RAD51B: variants seen among roughly 807,000 people sequenced by gnomAD.
RAD51B encodes the protein RAD51 paralog B, also known as DNA repair protein RAD51 homolog 2.
Under a neutral mutation model 42.2 loss-of-function variants are expected in RAD51B, and 38 were observed. The ratio of observed to expected loss-of-function variants is 0.90; its 90% CI spans 0.70 to 1.18. The LOEUF (loss-of-function observed/expected upper bound fraction) is 1.18, where lower values mean the gene tolerates loss of function less well. Ranked by LOEUF, RAD51B falls within the 50% of genes most tolerant of loss-of-function variation. RAD51B has a pLI of 0.00. For synonymous variants in RAD51B, 154 were observed against 145.2 expected (o/e 1.06, Z -0.43); for missense variants, 373 against 400.7 (o/e 0.93, Z 0.59).
At chr14:68,237,484 G>A (rs1458421817) in intron 7 of RAD51B, among the ~76,000 whole-genome samples, 4 of 152,012 alleles carry the variant, frequency 2.6e-5, no homozygotes, top group Non-Finnish European at 5.9e-5. Context: ...AGTAATTTTT[G>A]TGTATTCCCT....
At chr14:68,609,419 GC>G (rs1214777376) in intron 10 of RAD51B, among the ~76,000 whole-genome samples, 1 of 151,982 alleles carries the variant, frequency 6.6e-6, no homozygotes, top group Non-Finnish European at 1.5e-5. Context: ...TTCCCACAGG[GC>G]CCCTGGAGTC....
intron 10 of RAD51B, among the ~76,000 whole-genome samples, chr14:68,494,081 G>T (rs1884301057): frequency 6.6e-6 from 1 of 152,056 alleles, no homozygotes; most frequent in Non-Finnish European, 1.5e-5. Context: ...TTTGAGACCA[G>T]CCTGGCCAAC....
chr14:68,184,238 A>G (rs961885955), intron 7 of RAD51B, among the ~76,000 whole-genome samples: 1 of 152,062 alleles, frequency 6.6e-6, no homozygotes, highest in Non-Finnish European at 1.5e-5. Flanking sequence ...AGATTTTTTA[A>G]AAAAAGTTAT....
At chr14:68,423,582 C>G (rs540257124) in intron 9 of RAD51B, among the ~76,000 whole-genome samples, 58 of 152,320 alleles carry the variant, frequency 3.8e-4, no homozygotes, top group Admixed American at 3.8e-3. Context: ...GCCTCTCCCT[C>G]CCCCATCACA....
intron 7 of RAD51B, among the ~76,000 whole-genome samples, chr14:67,989,576 G>T (rs942292127): frequency 1.4e-5 from 2 of 144,426 alleles, no homozygotes; most frequent in Admixed American, 7.1e-5. Context: ...AGGTGGTTGT[G>T]GTGACCCAAG....
At chr14:68,001,729 A>G (rs568544989) in intron 7 of RAD51B, among the ~76,000 whole-genome samples, 44 of 152,074 alleles carry the variant, frequency 2.9e-4, no homozygotes, top group African/African-American at 1.0e-3. Flanking sequence ...CCCACTATGT[A>G]TTGTTCCCCT....
At chr14:68,495,586 C>T (rs756925326) in intron 10 of RAD51B, among the ~76,000 whole-genome samples, 12 of 152,060 alleles carry the variant, frequency 7.9e-5, no homozygotes, top group East Asian at 1.9e-4. Flanking sequence ...ACTCGAAGCA[C>T]GGGCTGCCAA....
intron 10 of RAD51B, among the ~76,000 whole-genome samples, chr14:68,644,099 G>A (rs550327009): frequency 1.3e-5 from 2 of 152,218 alleles, no homozygotes; most frequent in East Asian, 3.9e-4. Context: ...CTTCTTCCAG[G>A]GGCCTTGTTT....
At chr14:68,314,305 T>C (rs2082016471) in intron 8 of RAD51B, among the ~76,000 whole-genome samples, 1 of 152,058 alleles carries the variant, frequency 6.6e-6, no homozygotes, top group African/African-American at 2.4e-5. Flanking sequence ...CCTGCACTCA[T>C]TCTGATCCCT....
intron 7 of RAD51B, among the ~76,000 whole-genome samples, chr14:68,085,897 G>A (rs2076975590): frequency 6.6e-6 from 1 of 152,206 alleles, no homozygotes; most frequent in South Asian, 2.1e-4. Flanking sequence ...GCAGGCTGTA[G>A]GGCTCTGACC....
chr14:67,849,069 A>G (rs1013910799), intron 4 of RAD51B, among the ~76,000 whole-genome samples: 3 of 152,004 alleles, frequency 2.0e-5, no homozygotes, highest in Non-Finnish European at 4.4e-5. Context: ...GATGGCCATT[A>G]TGTTGTCTGG....
chr14:68,163,688 A>T (rs999700714), intron 7 of RAD51B, among the ~76,000 whole-genome samples: 1 of 152,070 alleles, frequency 6.6e-6, no homozygotes, highest in African/African-American at 2.4e-5. Context: ...TTCTTAATTC[A>T]TATCCTCATC....
At chr14:68,056,433 G>A (rs1034699793) in intron 7 of RAD51B, among the ~76,000 whole-genome samples, 1 of 151,884 alleles carries the variant, frequency 6.6e-6, no homozygotes, top group Non-Finnish European at 1.5e-5. Context: ...ACAGGTGTGA[G>A]CCACCACACC....
At chr14:67,948,080 T>C (rs1453783852) in intron 7 of RAD51B, among the ~76,000 whole-genome samples, 1 of 152,248 alleles carries the variant, frequency 6.6e-6, no homozygotes, top group Non-Finnish European at 1.5e-5. Context: ...CTTGTGGAGT[T>C]GTATATAAAG....
intron 7 of RAD51B, among the ~76,000 whole-genome samples, chr14:67,950,162 C>A (rs1325672998): frequency 1.3e-5 from 2 of 152,108 alleles, no homozygotes; most frequent in Non-Finnish European, 2.9e-5. Context: ...AGTTTTGAAA[C>A]CAGGCACTGA....
chr14:68,087,989 ATAT>A lies in RAD51B; in HGVS notation c.756+200792_756+200794del, dbSNP rs1203337342. ...TTATTATTATATATAATTATATAAT[ATAT>A]TATTATATATAATTATATAATATAT... On this transcript the variant is annotated intron_variant, in intron 7 of 10. Coordinates refer to ENST00000471583, the MANE Select transcript of RAD51B (RefSeq NM_133510.4). Among the ~76,000 whole-genome samples, 11 of 126,594 alleles carry A rather than the reference ATAT, an allele frequency of 8.7e-5. 1 individual carries two copies. Among genetic ancestry groups the A allele is most frequent in the East Asian group, 4.1e-4 (2 of 4,932 alleles). 83.1% of individuals were successfully genotyped at this position (126,594 alleles called of 152,430 possible).
intron 7 of RAD51B, among the ~76,000 whole-genome samples, chr14:68,124,208 C>A (rs1191926765): frequency 6.6e-6 from 1 of 152,166 alleles, no homozygotes; most frequent in Non-Finnish European, 1.5e-5. Flanking sequence ...ATGATAGACT[C>A]ATAGTACCAT....
At chr14:67,939,284 A>G (rs116597857) in intron 7 of RAD51B, among the ~76,000 whole-genome samples, 2,723 of 152,314 alleles carry the variant, frequency 0.018, 75 homozygotes, top group African/African-American at 0.057. Context: ...AAATACATGT[A>G]GATACCCAAT....
intron 7 of RAD51B, among the ~76,000 whole-genome samples, chr14:68,260,074 G>A (rs1467882748): frequency 1.3e-5 from 2 of 152,028 alleles, no homozygotes; most frequent in African/African-American, 4.8e-5. Context: ...GTGATAATGG[G>A]GGGGTGTGGA....
Sources: gnomAD v4.1 joint callset for allele counts (sites outside exome capture counted in the v4.1 genomes callset) on GRCh38, gnomAD v4.1.1 for gene constraint, MANE v1.5 for transcripts, NCBI Gene and HGNC (gene_info 2026-07-23, HGNC 2026-07-21) for gene names.